CSNK1G1: variants seen among roughly 807,000 people sequenced by gnomAD.
CSNK1G1 encodes casein kinase 1 gamma 1.
CSNK1G1 carries 22 observed loss-of-function variants against 59.6 expected under a neutral mutation model. The observed-to-expected ratio is 0.37, with a 90% confidence interval of 0.26 to 0.53. The LOEUF is 0.53. Ranked by LOEUF, CSNK1G1 falls within the 20% of genes least tolerant of loss-of-function variation. CSNK1G1 has a pLI of 0.89. For missense variants in CSNK1G1, 384 were observed against 519.5 expected, an observed-to-expected ratio of 0.74 and a Z score of 2.54; for synonymous variants, 179 against 177.1, an observed-to-expected ratio of 1.01 and a Z score of -0.08.
At chr15:64,178,633 C>T (rs2081770769) in intron 11 of CSNK1G1, among the ~76,000 whole-genome samples, 1 of 152,020 alleles carries the variant, frequency 6.6e-6, no homozygotes. Context: ...AGACGCATGC[C>T]ACCACACCCA....
At chr15:64,222,998 A>G (rs2082410983) in intron 4 of CSNK1G1, among the ~76,000 whole-genome samples, 1 of 152,220 alleles carries the variant, frequency 6.6e-6, no homozygotes, top group African/African-American at 2.4e-5. Flanking sequence ...TTCTTACAGA[A>G]AATATACCTT....
At chr15:64,338,098 ATTC>A (rs1897484685) in intron 1 of CSNK1G1, among the ~76,000 whole-genome samples, 1 of 152,164 alleles carries the variant, frequency 6.6e-6, no homozygotes, top group Non-Finnish European at 1.5e-5. Flanking sequence ...CCTGTTTTTG[ATTC>A]TTTTAGATAT....
At chr15:64,181,329 T>C (rs1268389970) in intron 10 of CSNK1G1, 1 of 1,536,122 alleles carries the variant, frequency 6.5e-7, no homozygotes, top group Admixed American at 2.0e-5. Context: ...TTCTGCCACC[T>C]GGTTTCATTT....
chr15:64,323,511 A>G (rs528844417), intron 1 of CSNK1G1, among the ~76,000 whole-genome samples: 4 of 152,076 alleles, frequency 2.6e-5, no homozygotes, highest in African/African-American at 7.2e-5. Flanking sequence ...GATTACAGGC[A>G]TGTGCCACCA....
chr15:64,280,945 T>A (rs996899991), intron 2 of CSNK1G1, among the ~76,000 whole-genome samples: 1 of 152,152 alleles, frequency 6.6e-6, no homozygotes, highest in African/African-American at 2.4e-5. Flanking sequence ...AGTGGCACAA[T>A]CTTGGCTCAC....
At chr15:64,310,822 T>C (rs555669567) in intron 1 of CSNK1G1, among the ~76,000 whole-genome samples, 64 of 151,826 alleles carry the variant, frequency 4.2e-4, no homozygotes, top group African/African-American at 1.5e-3. Flanking sequence ...CTGGCCAATA[T>C]GGTGAAACCC....
Position 64,188,698 on chromosome 15 carries a change from C to T in CSNK1G1, c.1108-8244G>A, listed in dbSNP as rs553151120. ...GTCAATACATGAATCTATATCACAC[C>T]CTCCTTACCCAGAACCAGAAAACCA... is the stretch of plus-strand genomic sequence containing the variant. On this transcript the variant is annotated intron_variant, in intron 10 of 11. Transcript: ENST00000303052. The surrounding 1 kb of genome is among the most constrained non-coding windows in gnomAD (Gnocchi z 4.2). Among the ~76,000 whole-genome samples, 332 of 152,118 alleles carry T rather than the reference C, an allele frequency of 2.2e-3. 2 individuals are homozygous for T. Among genetic ancestry groups the T allele is most frequent in the Non-Finnish European group, 4.1e-3 (276 of 68,004 alleles).
chr15:64,201,730 G>GTACAC, intron 10 of CSNK1G1, among the ~76,000 whole-genome samples: 1 of 151,298 alleles, frequency 6.6e-6, no homozygotes, highest in South Asian at 2.1e-4. Context: ...GTGTGTGTGT[G>GTACAC]TGTGTGTGTG....
At chr15:64,235,190 CCTAT>C (rs1442241230) in intron 4 of CSNK1G1, among the ~76,000 whole-genome samples, 1 of 152,158 alleles carries the variant, frequency 6.6e-6, no homozygotes, top group African/African-American at 2.4e-5. Context: ...CTGTATATTT[CCTAT>C]CTTGGTTTCA....
rs151221236 is a variant in CSNK1G1 at position 64,291,646 on chromosome 15, T to A, written c.181+8673A>T. Among the ~76,000 whole-genome samples the A allele has an allele frequency of 8.5e-5, 13 of 152,308 alleles. No homozygotes were observed. In the East Asian group the frequency reaches 2.3e-3, roughly 27 times the overall value. On this transcript the variant is annotated intron_variant, in intron 2 of 11. Transcript: ENST00000303052. ...TTAAGCCTGCATTCTCTCAGATGAT[T>A]TTCAAAAATGTTTAAAGCAGCAGAA... is the stretch of plus-strand genomic sequence containing the variant.
At chr15:64,315,326 C>T (rs150162173) in intron 1 of CSNK1G1, among the ~76,000 whole-genome samples, 272 of 152,190 alleles carry the variant, frequency 1.8e-3, no homozygotes, top group African/African-American at 6.3e-3. Flanking sequence ...CCAGCAACGC[C>T]GGGGATTACA....
chr15:64,217,491 A>G (rs1194400811), intron 4 of CSNK1G1, among the ~76,000 whole-genome samples: 1 of 152,210 alleles, frequency 6.6e-6, no homozygotes, highest in East Asian at 1.9e-4. Flanking sequence ...TTCACTAAAT[A>G]TATAACTGGT....
intron 11 of CSNK1G1, among the ~76,000 whole-genome samples, chr15:64,179,835 C>T (rs1477919190): frequency 6.6e-6 from 1 of 152,224 alleles, no homozygotes; most frequent in Non-Finnish European, 1.5e-5. Flanking sequence ...TCTTTTCCCA[C>T]ACTCTCATTC....
intron 2 of CSNK1G1, among the ~76,000 whole-genome samples, chr15:64,277,648 ATAATATAG>A (rs1172637381): frequency 4.6e-5 from 6 of 130,240 alleles, no homozygotes; most frequent in African/African-American, 1.8e-4. Flanking sequence ...AATATATTTA[ATAATATAG>A]CAATATTGAT....
At chr15:64,265,807 C>T in intron 2 of CSNK1G1, 4 of 456,592 alleles carry the variant, frequency 8.8e-6, no homozygotes, top group South Asian at 4.6e-5. Context: ...TGGCCAGTCA[C>T]AGTGGCTTAT....
intron 4 of CSNK1G1, among the ~76,000 whole-genome samples, chr15:64,235,698 T>C (rs1224195939): frequency 1.3e-5 from 2 of 152,140 alleles, no homozygotes; most frequent in Admixed American, 6.5e-5. Context: ...AACTCCTGAG[T>C]GGATAGTAAC....
At chr15:64,225,012 T>C (rs1277771912) in intron 4 of CSNK1G1, among the ~76,000 whole-genome samples, 3 of 150,060 alleles carry the variant, frequency 2.0e-5, no homozygotes, top group South Asian at 2.1e-4. Flanking sequence ...TTTTCTTTTT[T>C]TTTTTTTTTT....
At chr15:64,201,271 CAAA>C (rs545719275) in intron 10 of CSNK1G1, among the ~76,000 whole-genome samples, 3 of 65,020 alleles carry the variant, frequency 4.6e-5, no homozygotes, top group African/African-American at 9.9e-5. Flanking sequence ...GACACTGTCT[CAAA>C]AAAAAAAAAA....
At chr15:64,289,817 T>C (rs2140382847) in intron 2 of CSNK1G1, among the ~76,000 whole-genome samples, 1 of 152,130 alleles carries the variant, frequency 6.6e-6, no homozygotes, top group Middle Eastern at 3.4e-3. Flanking sequence ...CATGAACATT[T>C]TTCAAATGAA....
Sources: gnomAD v4.1 joint callset for allele counts (sites outside exome capture counted in the v4.1 genomes callset) on GRCh38, gnomAD v4.1.1 for gene constraint, Gnocchi (gnomAD v3.1) non-coding constraint, MANE v1.5 for transcripts, NCBI Gene and HGNC (gene_info 2026-07-23, HGNC 2026-07-21) for gene names.